Variants in CCDC187 observed in about 807,000 individuals in gnomAD.
The protein encoded by CCDC187 is coiled-coil domain containing 187.
CCDC187 carries 32 observed loss-of-function variants against 38.0 expected under a neutral mutation model. The observed-to-expected ratio is 0.84, with a 90% CI of 0.64 to 1.13. The LOEUF is 1.13. Ranked by LOEUF, CCDC187 falls within the 50% of genes most tolerant of loss-of-function variation. CCDC187 has a pLI of 0.00. For missense variants in CCDC187, 707 were observed against 786.8 expected (o/e 0.90, Z 1.21); for synonymous variants, 333 against 347.9 (o/e 0.96, Z 0.48).
intron 7 of CCDC187, 124 bp from the exon 8 acceptor site, chr9:136,286,819 C>T (rs1196742839): frequency 7.5e-6 from 3 of 397,540 alleles, no homozygotes; most frequent in Admixed American, 4.4e-5. Flanking sequence ...AGTGTCTGTC[C>T]GCAGGGACCA....
chr9:136,269,529 T>G (rs1554762093), intron 14 of CCDC187, among the ~76,000 whole-genome samples: 1 of 152,050 alleles, frequency 6.6e-6, no homozygotes, highest in Admixed American at 6.6e-5. Context: ...GCGCCTGTAG[T>G]CCCAGGTACT....
chr9:136,291,638 G>A lies in CCDC187; in HGVS notation c.975C>T (p.Ser325=), dbSNP rs1469133335. 8 of 398,660 alleles carry A rather than the reference G, an allele frequency of 2.0e-5. No individual in the cohort carries two copies. The highest frequency in any genetic ancestry group is 4.4e-5 in the Admixed American group (1 of 22,720). The allele number at this position is 398,660 out of a possible 1,614,324, so 24.7% of individuals were successfully genotyped here. Residue 325 remains serine (S), a synonymous_variant, in exon 6 of 26, where the codon AGC becomes AGT. Transcript: ENST00000638797. Reference sequence around the variant, plus strand: ...AGCACTTGGCAGCTATGACTTTCTCGCTGTCTCCTGCAAAGACAGGAGTGT... The same window carrying A: ...AGCACTTGGCAGCTATGACTTTCTCACTGTCTCCTGCAAAGACAGGAGTGT... ...DPALTVDLGD[S]EKVIAAKCSP...
In CCDC187 at chr9:136,254,675, G is replaced by C; in HGVS notation, c.5153C>G (p.Ser1718Cys). 1.0e-6 allele frequency: 1 copy of C among 985,506 alleles called. No homozygotes were observed. The highest frequency in any genetic ancestry group is 1.2e-6 in the Non-Finnish European group (1 of 829,978). The allele number at this position is 985,506 out of a possible 1,614,324, so 61.0% of individuals were successfully genotyped here. A position where few individuals can be genotyped will look rare whatever the true frequency, so the allele number is the denominator to read the frequency against. ...QGRRAGPLRG[S>C]SLDTAMAEVS... Reference sequence around the variant, plus strand: ...TTCTGCCATGGCCGTGTCCAAGGAGGAGCCACGCAGGGGGCCGGCCCTGCG... The same window carrying C: ...TTCTGCCATGGCCGTGTCCAAGGAGCAGCCACGCAGGGGGCCGGCCCTGCG... Residue 1718 changes from serine to cysteine, a missense_variant, in exon 26 of 26, where the codon TCC becomes TGC. By Grantham distance (112) the Ser-to-Cys change is moderately radical (BLOSUM62 -1). Coordinates refer to ENST00000638797, the MANE Select transcript of CCDC187 (RefSeq NM_001378188.1).
At chr9:136,293,099 C>G (rs1462793745) in intron 4 of CCDC187, among the ~76,000 whole-genome samples, 1 of 151,478 alleles carries the variant, frequency 6.6e-6, no homozygotes, top group African/African-American at 2.5e-5. Flanking sequence ...CACTCACAAA[C>G]ACTCACATTG....
Position 136,267,425 on chromosome 9 carries a change from C to G in CCDC187, c.3606G>C (p.Glu1202Asp), listed in dbSNP as rs908240878. 29 of 985,566 alleles carry G rather than the reference C, an allele frequency of 2.9e-5. No homozygotes were observed. Among genetic ancestry groups the G allele is most frequent in the Non-Finnish European group, 3.5e-5 (29 of 830,008 alleles). The allele number at this position is 985,566 out of a possible 1,614,324, so 61.1% of individuals were successfully genotyped here. A position where few individuals can be genotyped will look rare whatever the true frequency, so the allele number is the denominator to read the frequency against. ...LLRLREMALQ[E>D]KTLAELAWLE... Reference sequence around the variant, plus strand: ...GCCAGGCCAGCTCCGCGAGCGTTTTCTCCTGGAGCGCCATCTCTCGCAGGC... The same window carrying G: ...GCCAGGCCAGCTCCGCGAGCGTTTTGTCCTGGAGCGCCATCTCTCGCAGGC... The change falls in exon 16 of 26, where the codon GAG (glutamate) becomes GAC (aspartate). Residue 1202 changes from glutamate to aspartate, a missense_variant. Coordinates refer to ENST00000638797, the MANE Select transcript of CCDC187 (RefSeq NM_001378188.1).
chr9:136,292,189 C>T lies in CCDC187; in HGVS notation c.939G>A (p.Ser313=), dbSNP rs944932828. 7 of 398,632 alleles carry T rather than the reference C, an allele frequency of 1.8e-5. No homozygotes were observed. The highest frequency in any genetic ancestry group is 8.8e-5 in the Admixed American group (2 of 22,716). The allele number at this position is 398,632 out of a possible 1,614,324, so 24.7% of individuals were successfully genotyped here. ...AGTCCACGGTGAGAGCCGGGTCTCTCGAGGGATCCTTGCTATGGTGCCTGC... is the reference window on the plus strand; with the variant it reads ...AGTCCACGGTGAGAGCCGGGTCTCTTGAGGGATCCTTGCTATGGTGCCTGC... The part of the protein sequence containing the change: ...VLRRHHSKDP[S]RDPALTVDLG... Residue 313 remains serine (S), a synonymous_variant, in exon 5 of 26, where the codon TCG becomes TCA. Coordinates refer to ENST00000638797, the MANE Select transcript of CCDC187 (RefSeq NM_001378188.1).
chr9:136,284,255 G>A (rs1353608409), intron 9 of CCDC187, among the ~76,000 whole-genome samples: 2 of 152,170 alleles, frequency 1.3e-5, no homozygotes, highest in African/African-American at 4.8e-5. Context: ...TACACGTGGT[G>A]TCTGCCCTCA....
rs531574170 is a variant in CCDC187 at position 136,267,285 on chromosome 9, C to T, written c.3647+99G>A. On this transcript the variant is annotated intron_variant, in intron 16 of 25. Transcript: ENST00000638797. ...AACGCTGTCGGGGCCACGGGCGGGA[C>T]CCGGACGGGGCAGGGAGGGGGCGGG... 3.3e-4 allele frequency: 290 copies of T among 869,216 alleles called. No homozygotes were observed. The Middle Eastern group carries it at 6.4e-3, about 19-fold the overall frequency. The allele number at this position is 869,216 out of a possible 1,614,324, so 53.8% of individuals were successfully genotyped here.
intron 7 of CCDC187, among the ~76,000 whole-genome samples, chr9:136,289,518 CAAAAAAAAAA>C (rs878962393): frequency 8.9e-5 from 6 of 67,298 alleles, no homozygotes; most frequent in Non-Finnish European, 1.4e-4. Context: ...AACTCCATCT[CAAAAAAAAAA>C]AAAAAAAAAA....
Position 136,267,427 on chromosome 9 carries a change from C to G in CCDC187, c.3604G>C (p.Glu1202Gln), listed in dbSNP as rs868945708. 3.7e-5 allele frequency: 36 copies of G among 985,422 alleles called. No homozygotes were observed. Among genetic ancestry groups the G allele is most frequent in the African/African-American group, 2.1e-4 (12 of 57,244 alleles). 61.0% of individuals were successfully genotyped at this position (985,422 alleles called of 1,614,324 possible). A position where few individuals can be genotyped will look rare whatever the true frequency, so the allele number is the denominator to read the frequency against. The change falls in exon 16 of 26, where the codon GAG becomes CAG. Residue 1202 changes from glutamate to glutamine, a missense_variant. Glu to Gln is a conservative substitution (Grantham distance 29). Transcript: ENST00000638797. Reference sequence around the variant, plus strand: ...CAGGCCAGCTCCGCGAGCGTTTTCTCCTGGAGCGCCATCTCTCGCAGGCGC... The same window carrying G: ...CAGGCCAGCTCCGCGAGCGTTTTCTGCTGGAGCGCCATCTCTCGCAGGCGC... ...LLRLREMALQEKTLAELAWLE... is the reference protein window; with the variant it reads ...LLRLREMALQQKTLAELAWLE...
At chr9:136,299,224 C>G (rs1217321287) in intron 3 of CCDC187, among the ~76,000 whole-genome samples, 1 of 152,156 alleles carries the variant, frequency 6.6e-6, no homozygotes, top group Admixed American at 6.5e-5. Flanking sequence ...ATGGCTCTGT[C>G]CCCTGCTCTC....
Position 136,293,307 on chromosome 9 carries a change from TCA to T in CCDC187, c.833-1014_833-1013del, listed in dbSNP as rs1278079065. 9.4e-4 allele frequency among the ~76,000 whole-genome samples: 128 copies of T among 136,238 alleles called. 2 individuals carry two copies. The highest frequency in any genetic ancestry group is 2.6e-3 in the African/African-American group (90 of 34,736). 89.4% of individuals were successfully genotyped at this position (136,238 alleles called of 152,430 possible). ...TGCTCACACACTCACAAACACATGT[TCA>T]CACACTCACACTCACATGCTTACAC... On this transcript the variant is annotated intron_variant, in intron 4 of 25. Transcript: ENST00000638797.
chr9:136,273,466 A>C (rs1300676445), intron 14 of CCDC187, among the ~76,000 whole-genome samples: 1 of 152,222 alleles, frequency 6.6e-6, no homozygotes, highest in Non-Finnish European at 1.5e-5. Context: ...CATCAAGAGC[A>C]CATAATGATC....
chr9:136,280,856 G>C (rs1831025040), intron 10 of CCDC187: 1 of 152,426 alleles, frequency 6.6e-6, no homozygotes, highest in African/African-American at 2.4e-5. Flanking sequence ...TGGTGGTCCA[G>C]GGTTAGGGGT....
intron 4 of CCDC187, among the ~76,000 whole-genome samples, chr9:136,292,589 C>A (rs1173766315): frequency 6.6e-6 from 1 of 152,208 alleles, no homozygotes; most frequent in Non-Finnish European, 1.5e-5. Flanking sequence ...ACAACAGGAC[C>A]TGCCCCACAG....
At chr9:136,284,919 C>T (rs915671117) in intron 9 of CCDC187, among the ~76,000 whole-genome samples, 21 of 152,244 alleles carry the variant, frequency 1.4e-4, no homozygotes, top group African/African-American at 3.6e-4. Context: ...TGCTGGGCTC[C>T]GCTTCAGCCT....
Position 136,258,574 on chromosome 9 carries a change from A to G in CCDC187, c.4366+358T>C, listed in dbSNP as rs1438379079. ...CCCCGGCCAAGTGTAAGGTTCAGAA[A>G]GAGAAAAATGTAATCGGTGCAGAAA... On this transcript the variant is annotated intron_variant, in intron 22 of 25. Transcript: ENST00000638797. This position sits in a 1 kb window ranked among gnomAD's most constrained non-coding sequence, Gnocchi z 4.3. Among the ~76,000 whole-genome samples, 1 of 152,214 alleles carries G rather than the reference A, an allele frequency of 6.6e-6. No individual in the cohort carries two copies. The highest frequency in any genetic ancestry group is 1.5e-5 in the Non-Finnish European group (1 of 68,030).
intron 17 of CCDC187, 148 bp from the exon 18 acceptor site, chr9:136,263,946 C>T (rs1295188151): frequency 6.8e-6 from 3 of 443,564 alleles, no homozygotes; most frequent in Non-Finnish European, 9.0e-6. Context: ...GCCCGCCCCT[C>T]CTGCCGGGCC....
intron 10 of CCDC187, chr9:136,281,057 C>CA: frequency 4.4e-6 from 1 of 227,292 alleles, no homozygotes; most frequent in Non-Finnish European, 8.5e-6. Flanking sequence ...CCAGCCCCTC[C>CA]AGCTGCCCTG....
Sources: allele counts gnomAD v4.1 joint callset (sites outside exome capture counted in the v4.1 genomes callset), GRCh38; gene constraint gnomAD v4.1.1; non-coding constraint Gnocchi (gnomAD v3.1); transcripts MANE v1.5; gene names NCBI Gene and HGNC (gene_info 2026-07-23, HGNC 2026-07-21).